The following VEPH1 variants were observed in gnomAD, a reference collection of about 807,000 sequenced individuals.
The protein encoded by VEPH1 is ventricular zone expressed PH domain containing 1.
In VEPH1, 80 loss-of-function variants were observed where a neutral mutation model predicts 85.2. That is an observed-to-expected ratio of 0.94 (90% CI 0.78 to 1.13). The LOEUF (loss-of-function observed/expected upper bound fraction) is 1.13. VEPH1 is among the 50% of genes most tolerant of loss of function. The pLI, the probability that VEPH1 is intolerant of heterozygous loss-of-function variation, is 0.00. For synonymous variants in VEPH1, 297 were observed against 348.0 expected (o/e 0.85, Z 1.63); for missense variants, 955 against 980.5 (o/e 0.97, Z 0.35).
At chr3:157,470,653 T>C (rs1736853195) in intron 2 of VEPH1, 124 bp from the exon 3 acceptor site, 12 of 792,000 alleles carry the variant, frequency 1.5e-5, no homozygotes. Context: ...GGTGAGGGTG[T>C]AAAGCCTAAT....
chr3:157,370,601 G>A (rs1174528329), intron 7 of VEPH1, among the ~76,000 whole-genome samples: 1 of 152,178 alleles, frequency 6.6e-6, no homozygotes, highest in Non-Finnish European at 1.5e-5. Context: ...AAGCTGGAAT[G>A]TTAAGGGAAA....
chr3:157,275,832 C>A (rs1416103991), intron 12 of VEPH1, among the ~76,000 whole-genome samples: 1 of 151,172 alleles, frequency 6.6e-6, no homozygotes, highest in Non-Finnish European at 1.5e-5. Flanking sequence ...ACTTCAATCT[C>A]CTTCCATGGT....
intron 1 of VEPH1, among the ~76,000 whole-genome samples, chr3:157,502,085 T>C (rs1010999178): frequency 6.6e-6 from 1 of 152,230 alleles, no homozygotes; most frequent in Non-Finnish European, 1.5e-5. Context: ...TGGATGTCTC[T>C]GGGCTTCCTT....
intron 12 of VEPH1, among the ~76,000 whole-genome samples, chr3:157,284,528 G>T (rs988342475): frequency 2.6e-5 from 4 of 152,010 alleles, no homozygotes; most frequent in African/African-American, 9.7e-5. Flanking sequence ...TGCAAATACT[G>T]TCTCCATGAA....
At chr3:157,407,465 A>G (rs1731231559) in intron 6 of VEPH1, among the ~76,000 whole-genome samples, 1 of 152,160 alleles carries the variant, frequency 6.6e-6, no homozygotes, top group Admixed American at 6.6e-5. Context: ...CAAATGTAAA[A>G]CAGATATACA....
At chr3:157,464,245 C>T (rs1193919403) in intron 3 of VEPH1, among the ~76,000 whole-genome samples, 1 of 152,188 alleles carries the variant, frequency 6.6e-6, no homozygotes, top group Non-Finnish European at 1.5e-5. Flanking sequence ...GTTCGAGGGT[C>T]CCATGGACCT....
At chr3:157,461,473 T>G (rs969848570) in intron 3 of VEPH1, among the ~76,000 whole-genome samples, 1 of 152,224 alleles carries the variant, frequency 6.6e-6, no homozygotes, top group Non-Finnish European at 1.5e-5. Flanking sequence ...CACTGTTATA[T>G]TCAGATCTTT....
intron 4 of VEPH1, 123 bp from the exon 5 acceptor site, chr3:157,428,611 C>T: frequency 7.0e-6 from 6 of 855,834 alleles, no homozygotes; most frequent in Non-Finnish European, 1.1e-5. Context: ...ATGGCCAATT[C>T]TTTTGCTAAA....
intron 5 of VEPH1, among the ~76,000 whole-genome samples, chr3:157,426,919 T>C (rs1237121955): frequency 6.6e-6 from 1 of 150,490 alleles, no homozygotes; most frequent in Non-Finnish European, 1.5e-5. Flanking sequence ...GCAATTCTCC[T>C]GCCTCAGCCT....
intron 9 of VEPH1, among the ~76,000 whole-genome samples, chr3:157,322,820 C>T (rs946475325): frequency 1.8e-4 from 28 of 152,032 alleles, no homozygotes; most frequent in Admixed American, 4.6e-4. Flanking sequence ...AAAACATTGA[C>T]GCAATGAATA....
At chr3:157,381,502 G>T in intron 6 of VEPH1, 126 bp from the exon 7 acceptor site, 6 of 886,260 alleles carry the variant, frequency 6.8e-6, no homozygotes, top group Non-Finnish European at 1.0e-5. Context: ...ACTCCTGATC[G>T]AGAACAGGAG....
At chr3:157,330,654 T>G (rs1034668989) in intron 9 of VEPH1, among the ~76,000 whole-genome samples, 2 of 152,050 alleles carry the variant, frequency 1.3e-5, no homozygotes, top group Admixed American at 6.5e-5. Flanking sequence ...AAGCACTAAG[T>G]TTCAGTAAGG....
chr3:157,341,456 G>A (rs1451347923), intron 9 of VEPH1, among the ~76,000 whole-genome samples: 2 of 152,178 alleles, frequency 1.3e-5, no homozygotes, highest in African/African-American at 4.8e-5. Context: ...GGAACGAAGT[G>A]ACAAGAGAAG....
intron 11 of VEPH1, among the ~76,000 whole-genome samples, chr3:157,304,770 T>C (rs912903221): frequency 6.6e-6 from 1 of 152,178 alleles, no homozygotes; most frequent in African/African-American, 2.4e-5. Context: ...AAAAGAAATA[T>C]ATAGAGAAAA....
intron 9 of VEPH1, among the ~76,000 whole-genome samples, chr3:157,355,798 A>G (rs946363537): frequency 6.6e-6 from 1 of 152,108 alleles, no homozygotes; most frequent in African/African-American, 2.4e-5. Context: ...TGCCAGTGTA[A>G]TATTTTAATG....
At chr3:157,406,421 C>T (rs1272681798) in intron 6 of VEPH1, among the ~76,000 whole-genome samples, 1 of 152,142 alleles carries the variant, frequency 6.6e-6, no homozygotes, top group Non-Finnish European at 1.5e-5. Flanking sequence ...CTCTCAGCTG[C>T]CTTTGTCATT....
intron 2 of VEPH1, among the ~76,000 whole-genome samples, chr3:157,491,137 T>C (rs1316553609): frequency 1.3e-5 from 2 of 152,142 alleles, no homozygotes; most frequent in East Asian, 3.9e-4. Flanking sequence ...AGGATATTGG[T>C]TACCTTGGGA....
intron 9 of VEPH1, among the ~76,000 whole-genome samples, chr3:157,355,492 T>C (rs2108737603): frequency 6.6e-6 from 1 of 152,348 alleles, no homozygotes; most frequent in East Asian, 1.9e-4. Flanking sequence ...TCTCCCTGCC[T>C]GGCCCAACAC....
chr3:157,313,627 C>T lies in VEPH1; in HGVS notation c.2004G>A (p.Gln668=). The T allele has an allele frequency of 6.2e-7, 1 of 1,614,012 alleles. No homozygotes were observed. Among genetic ancestry groups the T allele is most frequent in the Non-Finnish European group, 8.5e-7 (1 of 1,179,944 alleles). Residue 668 remains glutamine, a synonymous_variant, in exon 11 of 14, where the codon CAG becomes CAA. Coordinates refer to ENST00000362010, the MANE Select transcript of VEPH1 (RefSeq NM_001167912.2). ...CAAGGAAAGGAATATTTACCTTCTGCTGTGGAAACGTGGACTCCATCATGG... is the reference window on the plus strand; with the variant it reads ...CAAGGAAAGGAATATTTACCTTCTGTTGTGGAAACGTGGACTCCATCATGG... The part of the protein sequence containing the change: ...ETAMMESTFP[Q]QKDLDQVQLH...
Sources: gnomAD v4.1 joint callset for allele counts (sites outside exome capture counted in the v4.1 genomes callset) on GRCh38, gnomAD v4.1.1 for gene constraint, MANE v1.5 for transcripts, NCBI Gene and HGNC (gene_info 2026-07-23, HGNC 2026-07-21) for gene names.